The following ZSWIM5 variants were observed in gnomAD, a reference collection of about 807,000 sequenced individuals.
ZSWIM5 encodes the protein zinc finger SWIM domain-containing protein 5.
ZSWIM5 carries 55 observed loss-of-function variants against 119.6 expected under a neutral mutation model. The observed-to-expected ratio is 0.46, with a 90% confidence interval of 0.37 to 0.58. ZSWIM5 has a LOEUF of 0.58. Ranked by LOEUF, ZSWIM5 falls within the 20% of genes least tolerant of loss-of-function variation. ZSWIM5 has a pLI of 0.00. For synonymous variants in ZSWIM5, 537 were observed against 606.9 expected (o/e 0.88, Z 1.69); for missense variants, 1,193 against 1,512.8 (o/e 0.79, Z 3.51).
intron 2 of ZSWIM5, among the ~76,000 whole-genome samples, chr1:45,063,983 GAAAA>G (rs1297677308): frequency 7.3e-6 from 1 of 137,166 alleles, no homozygotes; most frequent in Non-Finnish European, 1.6e-5. Context: ...CTCTGTCTCA[GAAAA>G]AAAAAAAAAG....
chr1:45,122,178 G>A (rs1329334781), intron 1 of ZSWIM5, among the ~76,000 whole-genome samples: 1 of 152,114 alleles, frequency 6.6e-6, no homozygotes, highest in East Asian at 1.9e-4. Flanking sequence ...AAGAAAACTG[G>A]CTCTGGAATC....
At chr1:45,190,927 A>ATTTTTTTTTTTTTTTTT (rs746764436) in intron 1 of ZSWIM5, among the ~76,000 whole-genome samples, 2 of 48,966 alleles carry the variant, frequency 4.1e-5, no homozygotes, top group Non-Finnish European at 3.5e-5. Context: ...AATAGCTGGA[A>ATTTTTTTTTTTTTTTTT]TTTTTTTTTT....
chr1:45,184,452 T>C (rs910203831), intron 1 of ZSWIM5, among the ~76,000 whole-genome samples: 2 of 152,130 alleles, frequency 1.3e-5, no homozygotes, highest in African/African-American at 4.8e-5. Flanking sequence ...AAAGAGGAAG[T>C]CAAATTGTCC....
chr1:45,190,553 A>G (rs1362018432), intron 1 of ZSWIM5, among the ~76,000 whole-genome samples: 3 of 152,132 alleles, frequency 2.0e-5, no homozygotes, highest in Admixed American at 1.3e-4. Context: ...GGGTGAATTT[A>G]CTCTACGAAA....
At chr1:45,044,794 T>TAA (rs1557746561) in intron 5 of ZSWIM5, among the ~76,000 whole-genome samples, 3 of 6,050 alleles carry the variant, frequency 5.0e-4, no homozygotes, top group Non-Finnish European at 7.8e-4. Context: ...TATATAAATA[T>TAA]ATATATATAA....
At chr1:45,091,104 A>G (rs913869012) in intron 1 of ZSWIM5, among the ~76,000 whole-genome samples, 1 of 152,176 alleles carries the variant, frequency 6.6e-6, no homozygotes, top group African/African-American at 2.4e-5. Context: ...TGTCCTACAG[A>G]TGTATTACTA....
chr1:45,058,582 GC>G (rs1557751605), intron 4 of ZSWIM5, 26 bp downstream of exon 4: 6 of 1,613,714 alleles, frequency 3.7e-6, no homozygotes, highest in Admixed American at 1.7e-5. Flanking sequence ...GTAGAACAAA[GC>G]ACTTCTCTGA....
chr1:45,071,828 G>A (rs139850143), intron 2 of ZSWIM5, among the ~76,000 whole-genome samples: 11 of 152,092 alleles, frequency 7.2e-5, no homozygotes, highest in African/African-American at 2.2e-4. Flanking sequence ...TTATCCATTC[G>A]TCTGCTGATG....
intron 5 of ZSWIM5, among the ~76,000 whole-genome samples, chr1:45,048,965 A>C (rs1645073099): frequency 6.6e-6 from 1 of 152,158 alleles, no homozygotes; most frequent in African/African-American, 2.4e-5. Flanking sequence ...TACAAAAAAT[A>C]CACTCACAAA....
chr1:45,087,907 G>A lies in ZSWIM5; in HGVS notation c.926C>T (p.Ser309Phe). Reference sequence around the variant, plus strand: ...ATTCACTTGGTTGATTTCTGAGTTGGAGGATAGAATCTCATCTGCCAGTTT... The same window carrying A: ...ATTCACTTGGTTGATTTCTGAGTTGAAGGATAGAATCTCATCTGCCAGTTT... ...AQKLADEILS[S>F]NSEINQVNGA... Residue 309 changes from serine (S) to phenylalanine (F), a missense_variant, in exon 2 of 14, where the codon TCC becomes TTC. Coordinates refer to ENST00000359600, the MANE Select transcript of ZSWIM5 (RefSeq NM_020883.2). 2 of 1,609,720 alleles carry A rather than the reference G, an allele frequency of 1.2e-6. No homozygotes were observed. The highest frequency in any genetic ancestry group is 1.1e-5 in the South Asian group (1 of 90,316).
intron 2 of ZSWIM5, 85 bp downstream of exon 2, chr1:45,087,796 C>A (rs1193950459): frequency 4.1e-6 from 4 of 970,122 alleles, no homozygotes; most frequent in Non-Finnish European, 6.2e-6. Flanking sequence ...TGCAATAAAG[C>A]AACAAAGTAG....
chr1:45,149,203 G>A (rs1357516975), intron 1 of ZSWIM5, among the ~76,000 whole-genome samples: 1 of 152,092 alleles, frequency 6.6e-6, no homozygotes, highest in Non-Finnish European at 1.5e-5. Flanking sequence ...GTTTGAGGCT[G>A]CAGTGGGCTA....
At chr1:45,085,894 G>A (rs1645326549) in intron 2 of ZSWIM5, among the ~76,000 whole-genome samples, 1 of 152,080 alleles carries the variant, frequency 6.6e-6, no homozygotes, top group African/African-American at 2.4e-5. Context: ...TTTCTAACCA[G>A]TTCAAAAGCT....
chr1:45,121,293 T>A (rs559038365), intron 1 of ZSWIM5, among the ~76,000 whole-genome samples: 6 of 151,942 alleles, frequency 3.9e-5, no homozygotes, highest in African/African-American at 1.5e-4. Context: ...TTTTTTCTCA[T>A]ACAGTAGTCA....
In ZSWIM5 at chr1:45,206,062, T is replaced by C; in HGVS notation, c.289A>G (p.Ile97Val). Reference protein sequence around the residue: ...ERIPEPVQRRIVYWSFPRNER... With the variant: ...ERIPEPVQRRVVYWSFPRNER... Reference sequence around the variant, plus strand: ...TTCCGCGGGAAGGACCAGTAGACGATGCGGCGCTGCACGGGCTCCGGGATC... The same window carrying C: ...TTCCGCGGGAAGGACCAGTAGACGACGCGGCGCTGCACGGGCTCCGGGATC... Residue 97 changes from isoleucine (I) to valine (V), a missense_variant, in exon 1 of 14, where the codon ATC becomes GTC. By Grantham distance (29) the Ile-to-Val change is conservative. Around this residue, in one of 2 missense-constraint regions of ZSWIM5, gnomAD observed 232 missense variants for 222.9 expected, o/e 1.04. Transcript: ENST00000359600. 6.2e-7 allele frequency: 1 copy of C among 1,611,270 alleles called. No individual in the cohort carries two copies. The highest frequency in any genetic ancestry group is 8.5e-7 in the Non-Finnish European group (1 of 1,179,178).
chr1:45,136,929 T>C (rs1645693899), intron 1 of ZSWIM5, among the ~76,000 whole-genome samples: 1 of 152,132 alleles, frequency 6.6e-6, no homozygotes, highest in African/African-American at 2.4e-5. Context: ...GAAAGCCCTA[T>C]TCAGTTTCTC....
intron 1 of ZSWIM5, among the ~76,000 whole-genome samples, chr1:45,166,915 C>A (rs1032154793): frequency 6.6e-6 from 1 of 152,078 alleles, no homozygotes; most frequent in African/African-American, 2.4e-5. Context: ...TTTATAGATT[C>A]AATGCCATCA....
At chr1:45,030,287 G>A (rs975852627) in intron 11 of ZSWIM5, among the ~76,000 whole-genome samples, 2 of 151,498 alleles carry the variant, frequency 1.3e-5, no homozygotes, top group African/African-American at 4.9e-5. Context: ...TTGCTCTGTC[G>A]CCCAGGCTGG....
chr1:45,061,739 T>TTG (rs949262746), intron 2 of ZSWIM5, among the ~76,000 whole-genome samples: 1 of 13,100 alleles, frequency 7.6e-5, no homozygotes, highest in African/African-American at 1.7e-4. Flanking sequence ...ACCTCACCAG[T>TTG]TTTTTTTTTT....
Sources: allele counts gnomAD v4.1 joint callset (sites outside exome capture counted in the v4.1 genomes callset), GRCh38; gene constraint gnomAD v4.1.1; regional missense constraint gnomAD v4.1.1; transcripts MANE v1.5; gene names NCBI Gene and HGNC (gene_info 2026-07-23, HGNC 2026-07-21).